The following ALMS1 variants were observed in gnomAD, a reference collection of about 807,000 sequenced individuals.
ALMS1 encodes the protein ALMS1 centrosome and basal body associated protein, also known as centrosome-associated protein ALMS1.
In ALMS1, 271 loss-of-function variants were observed where a neutral mutation model predicts 352.2. The observed-to-expected ratio is 0.77, with a 90% CI of 0.70 to 0.85. The LOEUF is 0.85. ALMS1 is among the 40% of genes least tolerant of loss of function. The probability of loss-of-function intolerance (pLI) is 0.00; values close to 1 mark genes in which losing one functional copy is unlikely to be tolerated. For synonymous variants in ALMS1, 1,865 were observed against 1,761.2 expected, an observed-to-expected ratio of 1.06 and a Z score of -1.48; for missense variants, 5,445 against 4,870.7, an observed-to-expected ratio of 1.12 and a Z score of -3.51.
chr2:73,599,320 G>A, intron 16 of ALMS1, 81 bp from the exon 17 acceptor site: 2 of 1,557,900 alleles, frequency 1.3e-6, no homozygotes, highest in South Asian at 1.1e-5. Context: ...TTAGAAAGAG[G>A]ACTTGTTGGC....
intron 9 of ALMS1, among the ~76,000 whole-genome samples, chr2:73,460,611 C>T (rs1672170499): frequency 6.6e-6 from 1 of 152,154 alleles, no homozygotes; most frequent in South Asian, 2.1e-4. Context: ...GGGTGCAGCG[C>T]ACCATTCACA....
At chr2:73,499,570 G>A (rs975123102) in intron 10 of ALMS1, among the ~76,000 whole-genome samples, 2 of 152,152 alleles carry the variant, frequency 1.3e-5, no homozygotes, top group Non-Finnish European at 2.9e-5. Context: ...TCTTCTGCAT[G>A]TAAGTATCCA....
chr2:73,550,445 G>T lies in ALMS1; in HGVS notation c.10078+8G>T. 1 of 1,613,992 alleles carries T rather than the reference G, an allele frequency of 6.2e-7. No homozygotes were observed. The highest frequency in any genetic ancestry group is 1.1e-5 in the South Asian group (1 of 91,066). ...TGCAGAATGAAAATGCAGGTAACTG[G>T]ATTGGCTTTGTATACTTTGTAGCTT... On this transcript the variant is annotated splice_region_variant and intron_variant, in intron 13 of 22. Transcript: ENST00000613296.
At chr2:73,485,132 T>C (rs1160180147) in intron 9 of ALMS1, among the ~76,000 whole-genome samples, 6 of 152,366 alleles carry the variant, frequency 3.9e-5, no homozygotes, top group African/African-American at 1.4e-4. Flanking sequence ...CTGTGTTCCT[T>C]TGGAGGAGGA....
chr2:73,461,004 C>T (rs1024530009), intron 9 of ALMS1, among the ~76,000 whole-genome samples: 1 of 152,244 alleles, frequency 6.6e-6, no homozygotes, highest in East Asian at 1.9e-4. Context: ...TAGGCTCCAC[C>T]TCTGGGGGCA....
intron 2 of ALMS1, among the ~76,000 whole-genome samples, chr2:73,413,485 G>A (rs141829852): frequency 5.3e-5 from 8 of 152,052 alleles, no homozygotes; most frequent in African/African-American, 1.9e-4. Context: ...CTTCATAGTG[G>A]GGGTCTGTCC....
rs558192754 is a variant in ALMS1, at chr2:73,451,460, T to C, written c.4933T>C (p.Ser1645Pro). 7 of 1,614,098 alleles carry C rather than the reference T, an allele frequency of 4.3e-6. No homozygotes were observed. The East Asian group carries it at 1.6e-4, about 36-fold the overall frequency. ...SPLNKEVVKV[S>P]AAPGPADQKT... ...TCTAAATAAAGAGGTTGTGAAAGTT[T>C]CAGCTGCTCCTGGACCAGCTGACCA... Residue 1645 changes from serine (S) to proline (P), a missense_variant, in exon 8 of 23, where the codon TCA (serine) becomes CCA (proline). Coordinates refer to ENST00000613296, the MANE Select transcript of ALMS1 (RefSeq NM_001378454.1).
chr2:73,540,667 G>A (rs1271642419), intron 12 of ALMS1, among the ~76,000 whole-genome samples: 2 of 152,052 alleles, frequency 1.3e-5, no homozygotes, highest in South Asian at 2.1e-4. Flanking sequence ...CAAAATAAAG[G>A]GATAGAGGAA....
intron 9 of ALMS1, among the ~76,000 whole-genome samples, chr2:73,479,407 C>G (rs1672649102): frequency 2.0e-5 from 3 of 152,140 alleles, no homozygotes; most frequent in Admixed American, 2.0e-4. Context: ...TCCTGGCAAC[C>G]ACTAATTTGT....
At chr2:73,603,753 A>G in intron 21 of ALMS1, 1 of 206,282 alleles carries the variant, frequency 4.8e-6, no homozygotes, top group Non-Finnish European at 9.8e-6. Context: ...CCAGCTACTC[A>G]GTAGGCTGAG....
chr2:73,534,034 T>G (rs767277727), intron 11 of ALMS1, among the ~76,000 whole-genome samples: 1 of 152,158 alleles, frequency 6.6e-6, no homozygotes, highest in Non-Finnish European at 1.5e-5. Flanking sequence ...AACATTAGGC[T>G]AAGAGTTGAC....
chr2:73,599,654 A>G lies in ALMS1; in HGVS notation c.11668+133A>G, dbSNP rs1258431728. 4 of 1,128,996 alleles carry G rather than the reference A, an allele frequency of 3.5e-6. No homozygotes were observed. The East Asian group carries it at 1.0e-4, about 28-fold the overall frequency. 69.9% of individuals were successfully genotyped at this position (1,128,996 alleles called of 1,614,324 possible). On this transcript the variant is annotated intron_variant, in intron 17 of 22. Transcript: ENST00000613296. ...TCCAACTGCCAATTTTCATCTTGTC[A>G]GATTGGCATAAATTCAAGTTTGATG...
At chr2:73,444,634 TATTAC>T (rs973324243) in intron 7 of ALMS1, among the ~76,000 whole-genome samples, 1 of 152,242 alleles carries the variant, frequency 6.6e-6, no homozygotes, top group Non-Finnish European at 1.5e-5. Flanking sequence ...TAAGCAATTT[TATTAC>T]ATTTAACTTG....
In ALMS1 at chr2:73,546,181, A is replaced by G. The variant is rs531339276; in HGVS notation, c.9908-4086A>G. On this transcript the variant is annotated intron_variant, in intron 12 of 22. Coordinates refer to ENST00000613296, the MANE Select transcript of ALMS1 (RefSeq NM_001378454.1). ...CTCACATGCTGACTTTAAACCCTGA[A>G]TTCCATTTAAAATGTATCTCTACTT... Among the ~76,000 whole-genome samples, 8 of 152,302 alleles carry G rather than the reference A, an allele frequency of 5.3e-5. No individual in the cohort carries two copies. The East Asian group carries it at 1.2e-3, about 22-fold the overall frequency.
At chr2:73,608,651 G>C (rs973174950) in intron 22 of ALMS1, 77 bp downstream of exon 22, 1 of 1,181,980 alleles carries the variant, frequency 8.5e-7, no homozygotes, top group African/African-American at 1.5e-5. Context: ...CACGTTGCCT[G>C]TTGAGTGTGA....
chr2:73,424,677 C>G lies in ALMS1; in HGVS notation c.1012C>G (p.Arg338Gly). Residue 338 changes from arginine (R) to glycine (G), a missense_variant, in exon 5 of 23, where the codon CGT becomes GGT. Coordinates refer to ENST00000613296, the MANE Select transcript of ALMS1 (RefSeq NM_001378454.1). ...DELKIPKDCD[R>G]YDDLCSYMSW... ...ACTGAAAATTCCCAAAGACTGTGAT[C>G]GTTATGATGATCTTTGTTCATATAT... 6.2e-7 allele frequency: 1 copy of G among 1,613,976 alleles called. No individual in the cohort carries two copies. The highest frequency in any genetic ancestry group is 8.5e-7 in the Non-Finnish European group (1 of 1,180,000).
At chr2:73,494,038 G>A (rs887105532) in intron 10 of ALMS1, among the ~76,000 whole-genome samples, 2 of 152,208 alleles carry the variant, frequency 1.3e-5, no homozygotes, top group Non-Finnish European at 2.9e-5. Flanking sequence ...GAGAGGATAT[G>A]CTTCCAGCCT....
Position 73,572,191 on chromosome 2 carries a change from T to C in ALMS1, c.10385-71T>C, listed in dbSNP as rs537835918. The C allele has an allele frequency of 5.6e-5, 73 of 1,294,736 alleles. 1 individual carries two copies. In the South Asian group the frequency reaches 9.0e-4, roughly 16 times the overall value. The allele number at this position is 1,294,736 out of a possible 1,614,324, so 80.2% of individuals were successfully genotyped here. A position where few individuals can be genotyped will look rare whatever the true frequency, so the allele number is the denominator to read the frequency against. ...TAGTCTTTGTTCTGTATCTAAAGAA[T>C]TGTGAATAGTATTTCTAAACAGAAT... On this transcript the variant is annotated intron_variant, in intron 15 of 22. Coordinates refer to ENST00000613296, the MANE Select transcript of ALMS1 (RefSeq NM_001378454.1).
At chr2:73,455,694 G>A (rs1299639291) in intron 9 of ALMS1, among the ~76,000 whole-genome samples, 2 of 152,224 alleles carry the variant, frequency 1.3e-5, no homozygotes, top group East Asian at 3.8e-4. Flanking sequence ...GAGCCACTGT[G>A]CCTAGGCAGG....
Sources: gnomAD v4.1 joint callset for allele counts (sites outside exome capture counted in the v4.1 genomes callset) on GRCh38, gnomAD v4.1.1 for gene constraint, MANE v1.5 for transcripts, NCBI Gene and HGNC (gene_info 2026-07-23, HGNC 2026-07-21) for gene names.